CCDC141: variants seen among roughly 807,000 people sequenced by gnomAD.
The protein encoded by CCDC141 is coiled-coil domain containing 141.
In CCDC141, 168 loss-of-function variants were observed where a neutral mutation model predicts 181.0. That is an observed-to-expected ratio of 0.93 (90% confidence interval 0.82 to 1.05). The LOEUF (loss-of-function observed/expected upper bound fraction) is 1.05, where lower values mean the gene tolerates loss of function less well. CCDC141 is among the 50% of genes least tolerant of loss of function. The pLI, the probability that CCDC141 is intolerant of heterozygous loss-of-function variation, is 0.00. For missense variants in CCDC141, 1,902 were observed against 1,788.5 expected (o/e 1.06, Z -1.14); for synonymous variants, 666 against 642.3 (o/e 1.04, Z -0.56).
intron 6 of CCDC141, among the ~76,000 whole-genome samples, chr2:178,939,094 T>A (rs769559792): frequency 3.3e-5 from 5 of 152,186 alleles, no homozygotes; most frequent in Non-Finnish European, 7.4e-5. Context: ...AAGGAAAATG[T>A]GTATCCAGCA....
At chr2:178,856,035 G>C (rs545525547) in intron 18 of CCDC141, among the ~76,000 whole-genome samples, 6 of 152,068 alleles carry the variant, frequency 3.9e-5, no homozygotes, top group Non-Finnish European at 8.8e-5. Flanking sequence ...GGTTGGGTTT[G>C]GCAGAAACCA....
chr2:178,841,229 T>C (rs563951997), intron 22 of CCDC141, among the ~76,000 whole-genome samples: 2 of 152,354 alleles, frequency 1.3e-5, no homozygotes, highest in South Asian at 2.1e-4. Context: ...TTGACGTTGA[T>C]GAACTACTTA....
chr2:179,049,579 TCTTTC>T (rs1331542610), intron 1 of CCDC141, among the ~76,000 whole-genome samples: 2 of 151,352 alleles, frequency 1.3e-5, no homozygotes, highest in African/African-American at 4.9e-5. Context: ...TCTTTATTTT[TCTTTC>T]TTTTCTTTTT....
the CCDC141 span, among the ~76,000 whole-genome samples, chr2:178,817,096 A>G: frequency 1.1e-4 from 16 of 152,334 alleles, no homozygotes; most frequent in African/African-American, 3.6e-4. Flanking sequence ...ACTTCCACAT[A>G]TGAGTATTTA....
intron 19 of CCDC141, 36 bp downstream of exon 19, chr2:178,855,311 C>T: frequency 6.5e-7 from 1 of 1,549,240 alleles, no homozygotes; most frequent in Non-Finnish European, 8.7e-7. Flanking sequence ...TTGAAAACAA[C>T]ATTACAACAT....
the CCDC141 span, among the ~76,000 whole-genome samples, chr2:178,818,339 A>C: frequency 2.0e-5 from 3 of 152,266 alleles, no homozygotes; most frequent in Non-Finnish European, 2.9e-5. Context: ...TACATAGGTA[A>C]ACATGTGCCA....
At position 178,847,744 on chromosome 2, in the gene CCDC141, G is replaced by A. The variant is rs10202037; in HGVS notation, c.3358-2002C>T. On this transcript the variant is annotated intron_variant, in intron 21 of 23. Transcript: ENST00000443758. ...GCCTGAATGTTTATGCTCCCCCAAA[G>A]TTTATATGTTAAAATCCACATCCTT... 3.1e-3 allele frequency among the ~76,000 whole-genome samples: 471 copies of A among 152,224 alleles called. 3 individuals carry two copies. Among genetic ancestry groups the A allele is most frequent in the African/African-American group, 0.011 (440 of 41,524 alleles).
chr2:178,870,896 G>C (rs905049075), intron 14 of CCDC141, among the ~76,000 whole-genome samples: 1 of 152,116 alleles, frequency 6.6e-6, no homozygotes, highest in African/African-American at 2.4e-5. Flanking sequence ...AAGCAGTCAG[G>C]GTCAGGAACA....
chr2:178,861,158 G>A lies in CCDC141; in HGVS notation c.2724+4609C>T, dbSNP rs144550363. ...CTATCTAGACTCGAAGTTTCCTGAG[G>A]ATGTTTGTGCTTTTTTTTTTTTCTT... On this transcript the variant is annotated intron_variant, in intron 17 of 23. Coordinates refer to ENST00000443758, the MANE Select transcript of CCDC141 (RefSeq NM_173648.4). Among the ~76,000 whole-genome samples the A allele has an allele frequency of 1.5e-3, 226 of 151,418 alleles. 4 individuals carry two copies. The highest frequency in any genetic ancestry group is 5.0e-3 in the African/African-American group (205 of 41,354).
At chr2:178,980,629 A>G (rs1691334772) in intron 2 of CCDC141, among the ~76,000 whole-genome samples, 1 of 152,200 alleles carries the variant, frequency 6.6e-6, no homozygotes, top group African/African-American at 2.4e-5. Context: ...GGTTCAGCAG[A>G]AACTATTAGA....
intron 6 of CCDC141, among the ~76,000 whole-genome samples, chr2:178,936,765 A>G (rs1215937377): frequency 6.6e-6 from 1 of 151,670 alleles, no homozygotes; most frequent in African/African-American, 2.4e-5. Flanking sequence ...TCTTCTGTGA[A>G]TTCTTTGGGC....
At chr2:178,930,389 C>T (rs10930842) in intron 6 of CCDC141, among the ~76,000 whole-genome samples, 142,191 of 152,166 alleles carry the variant, frequency 0.93, 67,134 homozygotes, top group East Asian at 1. Flanking sequence ...CCCCAAAGTA[C>T]TGTAGGGATA....
At chr2:178,866,896 T>C (rs2154368707) in intron 16 of CCDC141, among the ~76,000 whole-genome samples, 1 of 152,318 alleles carries the variant, frequency 6.6e-6, no homozygotes, top group East Asian at 1.9e-4. Context: ...TGGCTAATTG[T>C]TGTATTTTTA....
downstream of CCDC141, among the ~76,000 whole-genome samples, chr2:178,826,868 A>T (rs1684132768): frequency 6.6e-6 from 1 of 151,626 alleles, no homozygotes; most frequent in African/African-American, 2.4e-5. Context: ...ATTGATTTAC[A>T]CTCTCGTTTT....
chr2:178,856,308 C>T lies in CCDC141; in HGVS notation c.2814G>A (p.Lys938=). 1 of 1,610,084 alleles carries T rather than the reference C, an allele frequency of 6.2e-7. No individual in the cohort carries two copies. Among genetic ancestry groups the T allele is most frequent in the Non-Finnish European group, 8.5e-7 (1 of 1,178,454 alleles). The change falls in exon 18 of 24, where the codon AAG becomes AAA. Residue 938 remains lysine (K), a synonymous_variant. Transcript: ENST00000443758. Reference sequence around the variant, plus strand: ...CTTGCTGAATTTGATATTTAAGCGCCTTCAGATTCCGAGATTTTTCATTTT... The same window carrying T: ...CTTGCTGAATTTGATATTTAAGCGCTTTCAGATTCCGAGATTTTTCATTTT... ...TKKNEKSRNL[K]ALKYQIQQVD... is the part of the protein sequence containing the mutation.
chr2:178,957,539 C>G (rs1201826903), intron 5 of CCDC141, among the ~76,000 whole-genome samples: 1 of 152,204 alleles, frequency 6.6e-6, no homozygotes, highest in Non-Finnish European at 1.5e-5. Flanking sequence ...CACACTCTCA[C>G]CATATGATCC....
At chr2:178,845,601 G>C in intron 22 of CCDC141, 25 bp downstream of exon 22, 1 of 1,274,396 alleles carries the variant, frequency 7.8e-7, no homozygotes, top group Non-Finnish European at 1.1e-6. Context: ...GTCCTCAATA[G>C]CTGAGGTTAA....
chr2:179,043,729 GGCAGAAGCTGGAA>G (rs2043390083), intron 2 of CCDC141, among the ~76,000 whole-genome samples: 1 of 152,114 alleles, frequency 6.6e-6, no homozygotes, highest in South Asian at 2.1e-4. Flanking sequence ...ATACTGAATG[GGCAGAAGCTGGAA>G]GCATTCTCCT....
chr2:178,990,699 C>T (rs574317351), intron 2 of CCDC141, among the ~76,000 whole-genome samples: 1 of 151,720 alleles, frequency 6.6e-6, no homozygotes, highest in East Asian at 1.9e-4. Context: ...GAAAGTGAAA[C>T]GCCAAAGGTC....
Sources: allele counts gnomAD v4.1 joint callset (sites outside exome capture counted in the v4.1 genomes callset), GRCh38; gene constraint gnomAD v4.1.1; transcripts MANE v1.5; gene names NCBI Gene and HGNC (gene_info 2026-07-23, HGNC 2026-07-21).